The following BBOX1 variants were observed in gnomAD, a reference collection of about 807,000 sequenced individuals.
BBOX1 encodes gamma-butyrobetaine dioxygenase.
In BBOX1, 35 loss-of-function variants were observed where a neutral mutation model predicts 41.6. The ratio of observed to expected loss-of-function variants is 0.84; its 90% CI spans 0.64 to 1.11. The LOEUF (loss-of-function observed/expected upper bound fraction) is 1.11. BBOX1 is among the 50% of genes most tolerant of loss of function. The probability of loss-of-function intolerance (pLI) is 0.00; values close to 1 mark genes in which losing one functional copy is unlikely to be tolerated. For synonymous variants in BBOX1, 163 were observed against 154.7 expected (o/e 1.05, Z -0.40); for missense variants, 458 against 460.6 (o/e 0.99, Z 0.05).
At chr11:27,101,381 A>T (rs1364149965) in intron 5 of BBOX1, among the ~76,000 whole-genome samples, 2 of 152,278 alleles carry the variant, frequency 1.3e-5, no homozygotes, top group African/African-American at 4.8e-5. Context: ...CACATTAAAA[A>T]ATCAAAACTA....
intron 4 of BBOX1, among the ~76,000 whole-genome samples, chr11:27,084,150 G>A (rs1158612576): frequency 6.6e-6 from 1 of 152,138 alleles, no homozygotes; most frequent in African/African-American, 2.4e-5. Flanking sequence ...GGTAGCCTGA[G>A]CACCTCAGTG....
chr11:27,056,412 C>T (rs1241095510), intron 3 of BBOX1, among the ~76,000 whole-genome samples: 3 of 152,036 alleles, frequency 2.0e-5, no homozygotes, highest in African/African-American at 7.2e-5. Context: ...TATGGGCCAC[C>T]ATGCCCGGCT....
At chr11:27,119,507 T>G in intron 6 of BBOX1, 142 bp from the exon 7 acceptor site, 1 of 486,996 alleles carries the variant, frequency 2.1e-6, no homozygotes, top group Non-Finnish European at 3.0e-6. Flanking sequence ...GGTTCATTCA[T>G]AGCTTTTTGA....
At chr11:27,101,688 C>A (rs1474548239) in intron 5 of BBOX1, among the ~76,000 whole-genome samples, 2 of 151,862 alleles carry the variant, frequency 1.3e-5, no homozygotes, top group African/African-American at 4.8e-5. Context: ...ACAAAGATTT[C>A]TTTTTTTATT....
intron 2 of BBOX1, among the ~76,000 whole-genome samples, chr11:27,048,705 C>T (rs1851569115): frequency 6.7e-6 from 1 of 149,806 alleles, no homozygotes; most frequent in Non-Finnish European, 1.5e-5. Context: ...GATTTCATTT[C>T]CTTAGACTAT....
At chr11:27,074,150 C>T (rs185800329) in intron 4 of BBOX1, among the ~76,000 whole-genome samples, 1 of 152,150 alleles carries the variant, frequency 6.6e-6, no homozygotes, top group Non-Finnish European at 1.5e-5. Flanking sequence ...TCACCTTCCA[C>T]CATGACTGTA....
At chr11:27,123,821 G>A (rs1406389569) in intron 7 of BBOX1, among the ~76,000 whole-genome samples, 1 of 152,152 alleles carries the variant, frequency 6.6e-6, no homozygotes, top group Non-Finnish European at 1.5e-5. Context: ...GAAAGCATGT[G>A]GAAGCAGGTA....
chr11:27,104,778 C>T (rs559903997), intron 5 of BBOX1, among the ~76,000 whole-genome samples: 40 of 152,134 alleles, frequency 2.6e-4, no homozygotes, highest in Non-Finnish European at 3.5e-4. Context: ...GATCTGAGAA[C>T]GGACAGACTG....
At chr11:27,092,611 T>C (rs996187804) in intron 4 of BBOX1, among the ~76,000 whole-genome samples, 6 of 151,958 alleles carry the variant, frequency 3.9e-5, no homozygotes, top group Non-Finnish European at 8.8e-5. Flanking sequence ...TCCAGGAATA[T>C]ACCTTCATCT....
chr11:27,109,028 TAGG>T (rs1471948880), intron 5 of BBOX1, among the ~76,000 whole-genome samples: 1 of 152,030 alleles, frequency 6.6e-6, no homozygotes, highest in Non-Finnish European at 1.5e-5. Context: ...TCGTTGATGG[TAGG>T]AGATCAAAAG....
intron 7 of BBOX1, among the ~76,000 whole-genome samples, chr11:27,123,693 G>T (rs142711915): frequency 6.6e-6 from 1 of 152,100 alleles, no homozygotes; most frequent in African/African-American, 2.4e-5. Flanking sequence ...TTGAAAGGTC[G>T]TGTAGTCTCT....
intron 8 of BBOX1, among the ~76,000 whole-genome samples, chr11:27,126,790 C>G (rs1859672802): frequency 6.6e-6 from 1 of 151,644 alleles, no homozygotes; most frequent in Non-Finnish European, 1.5e-5. Context: ...ATTCTCCTGC[C>G]TCAGCCTCCT....
chr11:27,043,418 C>CATGTGCAGCATGTGCAG (rs1482284669), intron 2 of BBOX1, among the ~76,000 whole-genome samples: 1 of 150,150 alleles, frequency 6.7e-6, no homozygotes, highest in Admixed American at 6.6e-5. Context: ...AGAATGTGCA[C>CATGTGCAGCATGTGCAG]GTTTGGGGTA....
intron 4 of BBOX1, among the ~76,000 whole-genome samples, chr11:27,078,667 CAT>C (rs1358092476): frequency 6.6e-6 from 1 of 152,186 alleles, no homozygotes; most frequent in African/African-American, 2.4e-5. Context: ...ACATCACACA[CAT>C]ACACATTTTT....
intron 4 of BBOX1, among the ~76,000 whole-genome samples, chr11:27,059,829 C>G (rs1857088397): frequency 6.6e-6 from 1 of 152,134 alleles, no homozygotes; most frequent in Admixed American, 6.5e-5. Flanking sequence ...TGATTTCTCC[C>G]TTTTGTAATG....
At chr11:27,123,579 C>T (rs925113370) in intron 7 of BBOX1, among the ~76,000 whole-genome samples, 4 of 152,040 alleles carry the variant, frequency 2.6e-5, no homozygotes, top group Non-Finnish European at 4.4e-5. Flanking sequence ...GAAAGTGGGT[C>T]AGAAGCAGTA....
chr11:27,126,986 C>T (rs1044750416), intron 8 of BBOX1, among the ~76,000 whole-genome samples: 2 of 152,116 alleles, frequency 1.3e-5, no homozygotes, highest in African/African-American at 4.8e-5. Context: ...AGAAACATTT[C>T]TAATGAGGTA....
intron 4 of BBOX1, among the ~76,000 whole-genome samples, chr11:27,059,416 G>A (rs1015649537): frequency 6.6e-6 from 1 of 152,218 alleles, no homozygotes; most frequent in Admixed American, 6.5e-5. Flanking sequence ...CCAAGCAGAA[G>A]CCTGCTGCAG....
chr11:27,048,503 T>C lies in BBOX1; in HGVS notation c.-38-6890T>C, dbSNP rs74809860. The stretch of plus-strand genomic sequence containing the variant: ...TGTGTGTGTGTGTGTAGACAGATGA[T>C]ATAGATAGATGATAGGCAGATAGAT... On this transcript the variant is annotated intron_variant, in intron 2 of 8. Coordinates refer to ENST00000263182, the MANE Select transcript of BBOX1 (RefSeq NM_003986.3). 6.7e-5 allele frequency among the ~76,000 whole-genome samples: 10 copies of C among 150,102 alleles called. No homozygotes were observed. The East Asian group carries it at 1.8e-3, about 27-fold the overall frequency.
Sources: gnomAD v4.1 joint callset for allele counts (sites outside exome capture counted in the v4.1 genomes callset) on GRCh38, gnomAD v4.1.1 for gene constraint, MANE v1.5 for transcripts, NCBI Gene and HGNC (gene_info 2026-07-23, HGNC 2026-07-21) for gene names.